GCH1: variants seen among roughly 807,000 people sequenced by gnomAD.
GCH1 encodes the protein GTP cyclohydrolase I.
GCH1 carries 5 observed loss-of-function variants against 25.9 expected under a neutral mutation model. That is an observed-to-expected ratio of 0.19 (90% confidence interval 0.10 to 0.41). The LOEUF (loss-of-function observed/expected upper bound fraction) is 0.41, where lower values mean the gene tolerates loss of function less well. GCH1 is among the 10% of genes least tolerant of loss of function. The pLI, the probability that GCH1 is intolerant of heterozygous loss-of-function variation, is 1.00. For missense variants in GCH1, 261 were observed against 336.5 expected, an observed-to-expected ratio of 0.78 and a Z score of 1.75; for synonymous variants, 159 against 129.6, an observed-to-expected ratio of 1.23 and a Z score of -1.54.
intron 1 of GCH1, among the ~76,000 whole-genome samples, chr14:54,896,981 C>A (rs2140120030): frequency 1.4e-5 from 2 of 145,160 alleles, no homozygotes; most frequent in African/African-American, 5.1e-5. Context: ...ATGTGATAGA[C>A]TGATCTTATC....
intron 1 of GCH1, among the ~76,000 whole-genome samples, chr14:54,873,858 C>T (rs1326501828): frequency 6.6e-6 from 1 of 152,044 alleles, no homozygotes; most frequent in Non-Finnish European, 1.5e-5. Context: ...AATTAATAGC[C>T]TACCAACCAA....
At chr14:54,876,994 A>T (rs984300979) in intron 1 of GCH1, among the ~76,000 whole-genome samples, 1 of 152,238 alleles carries the variant, frequency 6.6e-6, no homozygotes, top group Non-Finnish European at 1.5e-5. Context: ...ATCCTCATAC[A>T]GCTAAATGCT....
chr14:54,898,080 T>C (rs1383931453), intron 1 of GCH1, among the ~76,000 whole-genome samples: 5 of 152,190 alleles, frequency 3.3e-5, no homozygotes, highest in Non-Finnish European at 5.9e-5. Context: ...ATGGTATTTG[T>C]GTATTTAAAG....
chr14:54,879,343 C>A (rs1357767670), intron 1 of GCH1, among the ~76,000 whole-genome samples: 1 of 148,728 alleles, frequency 6.7e-6, no homozygotes, highest in Non-Finnish European at 1.5e-5. Context: ...ATCACTTGAA[C>A]CTGGGAGGCG....
rs141172180 is a variant in GCH1, at chr14:54,862,485, C to T, written c.454-2749G>A. Among the ~76,000 whole-genome samples the T allele has an allele frequency of 3.6e-3, 532 of 147,006 alleles. 4 individuals are homozygous for T. Among genetic ancestry groups the T allele is most frequent in the African/African-American group, 0.013 (505 of 39,566 alleles). ...GCAGCCTCGACCTCCTGGGTTCAAG[C>T]GATTCTCCAACCTCACCCTCCCGAG... is the stretch of plus-strand genomic sequence containing the variant. On this transcript the variant is annotated intron_variant, in intron 2 of 5. Transcript: ENST00000491895.
intron 1 of GCH1, among the ~76,000 whole-genome samples, chr14:54,900,843 T>TCACACACACACACA (rs1491121836): frequency 1.2e-5 from 1 of 84,648 alleles, no homozygotes; most frequent in Admixed American, 1.7e-4. Context: ...TTGTGAAATA[T>TCACACACACACACA]CTCACACACA....
chr14:54,885,050 T>C (rs568331185), intron 1 of GCH1: 22 of 312,426 alleles, frequency 7.0e-5, no homozygotes, highest in Admixed American at 1.8e-4. Context: ...GTGTGGCCCA[T>C]TGCAGACACT....
rs200522006 is a variant in GCH1 at position 54,880,791 on chromosome 14, C to CATAT, written c.344-15359_344-15356dup. 2.6e-3 allele frequency among the ~76,000 whole-genome samples: 112 copies of CATAT among 43,692 alleles called. 8 individuals are homozygous for CATAT. Among genetic ancestry groups the CATAT allele is most frequent in the East Asian group, 0.012 (14 of 1,214 alleles). 28.7% of individuals were successfully genotyped at this position (43,692 alleles called of 152,430 possible). A position where few individuals can be genotyped will look rare whatever the true frequency, so the allele number is the denominator to read the frequency against. On this transcript the variant is annotated intron_variant, in intron 1 of 5. Coordinates refer to ENST00000491895, the MANE Select transcript of GCH1 (RefSeq NM_000161.3). ...ATATACTCCATATATATATATACTC[C>CATAT]ATATATATATATATACTCCATATAT... is the stretch of plus-strand genomic sequence containing the variant.
At chr14:54,886,503 T>G (rs1358477967) in intron 1 of GCH1, among the ~76,000 whole-genome samples, 1 of 151,918 alleles carries the variant, frequency 6.6e-6, no homozygotes, top group Non-Finnish European at 1.5e-5. Flanking sequence ...TCCCAGCTGC[T>G]CGGGGGGCTG....
At chr14:54,894,702 T>TTCCACTTAGACATG (rs2040463020) in intron 1 of GCH1, among the ~76,000 whole-genome samples, 2 of 152,222 alleles carry the variant, frequency 1.3e-5, no homozygotes, top group East Asian at 1.9e-4. Context: ...AACTGTTTTA[T>TTCCACTTAGACATG]TCCACTTAGA....
chr14:54,851,368 A>T (rs921454849), intron 3 of GCH1, among the ~76,000 whole-genome samples: 5 of 152,234 alleles, frequency 3.3e-5, no homozygotes, highest in African/African-American at 9.6e-5. Context: ...CAAAATTGAC[A>T]AATGGGATCT....
intron 2 of GCH1, among the ~76,000 whole-genome samples, chr14:54,860,063 G>A (rs550199921): frequency 3.9e-5 from 6 of 152,086 alleles, no homozygotes; most frequent in African/African-American, 7.2e-5. Context: ...CTCAAGTCCC[G>A]CAGTCGGCCC....
Position 54,862,363 on chromosome 14 carries a change from C to T in GCH1, c.454-2627G>A, listed in dbSNP as rs186876025. On this transcript the variant is annotated intron_variant, in intron 2 of 5. Transcript: ENST00000491895. ...GATATAATATGAAGTCTTCAGCACC[C>T]TTATGAAGCACTACTCTTTTTTTTT... Among the ~76,000 whole-genome samples, 77 of 147,694 alleles carry T rather than the reference C, an allele frequency of 5.2e-4. 2 individuals carry two copies. The East Asian group carries it at 0.013, about 25-fold the overall frequency.
chr14:54,843,846 C>G lies in GCH1; in HGVS notation c.*171G>C. On this transcript the variant is annotated 3_prime_UTR_variant, in exon 6 of 6. Coordinates refer to ENST00000491895, the MANE Select transcript of GCH1 (RefSeq NM_000161.3). ...GCAAGAAGAAAGTAGAGGGCTCAAC[C>G]CTTTATTATATTTATTTGACTTCCT... The G allele has an allele frequency of 6.2e-7, 1 of 1,611,884 alleles. No homozygotes were observed.
intron 1 of GCH1, among the ~76,000 whole-genome samples, chr14:54,867,513 G>C (rs142379110): frequency 6.7e-6 from 1 of 150,284 alleles, no homozygotes; most frequent in Non-Finnish European, 1.5e-5. Context: ...GCTTGAACCC[G>C]GGATGTGGAG....
chr14:54,867,920 G>A (rs1294248340), intron 1 of GCH1, among the ~76,000 whole-genome samples: 3 of 152,158 alleles, frequency 2.0e-5, no homozygotes, highest in African/African-American at 7.2e-5. Context: ...GTAACTTGGT[G>A]GAGAAACCTG....
intron 3 of GCH1, among the ~76,000 whole-genome samples, chr14:54,852,782 T>C (rs1172803637): frequency 6.6e-6 from 1 of 152,112 alleles, no homozygotes; most frequent in Non-Finnish European, 1.5e-5. Flanking sequence ...TTGTTTTATA[T>C]CCTATCTCTG....
chr14:54,859,412 G>A (rs761053410), intron 3 of GCH1: 2 of 471,354 alleles, frequency 4.2e-6, no homozygotes, highest in Non-Finnish European at 7.8e-6. Context: ...TCCAGTCAGA[G>A]AAGGCTCTGC....
Position 54,858,658 on chromosome 14 carries a change from G to GA in GCH1, c.509+1022dup, listed in dbSNP as rs201947996. On this transcript the variant is annotated intron_variant, in intron 3 of 5. Coordinates refer to ENST00000491895, the MANE Select transcript of GCH1 (RefSeq NM_000161.3). ...ATTCAAACTTAGCTTGATTATTTTTGAAAAAAAAAAAGAGTAGGAACACTT... is the reference window on the plus strand; with the variant it reads ...ATTCAAACTTAGCTTGATTATTTTTGAAAAAAAAAAAAGAGTAGGAACACTT... 7.2e-3 allele frequency among the ~76,000 whole-genome samples: 1,005 copies of GA among 139,674 alleles called. 6 individuals are homozygous for GA. The highest frequency in any genetic ancestry group is 0.021 in the African/African-American group (798 of 38,186). 91.6% of individuals were successfully genotyped at this position (139,674 alleles called of 152,430 possible). A position where few individuals can be genotyped will look rare whatever the true frequency, so the allele number is the denominator to read the frequency against.
Sources: allele counts gnomAD v4.1 joint callset (sites outside exome capture counted in the v4.1 genomes callset), GRCh38; gene constraint gnomAD v4.1.1; transcripts MANE v1.5; gene names NCBI Gene and HGNC (gene_info 2026-07-23, HGNC 2026-07-21).